The following ZNF608 variants were observed in gnomAD, a reference collection of about 807,000 sequenced individuals.
ZNF608 encodes zinc finger protein 608, also known as renal carcinoma antigen NY-REN-36.
A neutral mutation model predicts 109.0 loss-of-function variants in ZNF608; 12 were observed. The observed-to-expected ratio is 0.11, with a 90% CI of 0.07 to 0.18. ZNF608 has a LOEUF of 0.18. ZNF608 is among the 10% of genes least tolerant of loss of function. The pLI is 1.00. For missense variants in ZNF608, 1,707 were observed against 1,879.3 expected (o/e 0.91, Z 1.70); for synonymous variants, 732 against 717.4 (o/e 1.02, Z -0.33).
At chr5:124,740,396 G>C (rs895997153) in intron 2 of ZNF608, among the ~76,000 whole-genome samples, 1 of 151,950 alleles carries the variant, frequency 6.6e-6, no homozygotes, top group African/African-American at 2.4e-5. Flanking sequence ...AAAACAGTTT[G>C]CTGTCCGACA....
chr5:124,643,132 A>C (rs933007696), intron 7 of ZNF608, among the ~76,000 whole-genome samples: 1 of 152,198 alleles, frequency 6.6e-6, no homozygotes, highest in African/African-American at 2.4e-5. Context: ...GTAGCCTCTG[A>C]ACTACTTACT....
chr5:124,733,600 C>T (rs1283141626), intron 2 of ZNF608, among the ~76,000 whole-genome samples: 2 of 152,052 alleles, frequency 1.3e-5, no homozygotes, highest in Non-Finnish European at 2.9e-5. Context: ...TTAGTGAACC[C>T]CAGGACTTGA....
chr5:124,649,779 T>A, intron 3 of ZNF608, 82 bp from the exon 4 acceptor site: 3 of 894,914 alleles, frequency 3.4e-6, no homozygotes, highest in Non-Finnish European at 4.7e-6. Context: ...TTTTTTCTCT[T>A]TTTTTTGCCA....
At position 124,643,493 on chromosome 5, in the gene ZNF608, C is replaced by A. The variant is rs568821421; in HGVS notation, c.4296+18G>T. On this transcript the variant is annotated intron_variant, in intron 7 of 9. Transcript: ENST00000513986. ...CCCAAATCACAGTACTTTTAAATAA[C>A]AACAAAAGGAGGCTTACAGCAGGAG... The A allele has an allele frequency of 6.2e-7, 1 of 1,612,060 alleles. No homozygotes were observed. The highest frequency in any genetic ancestry group is 1.3e-5 in the African/African-American group (1 of 74,996).
intron 2 of ZNF608, among the ~76,000 whole-genome samples, chr5:124,711,459 G>A (rs1012967683): frequency 4.6e-5 from 7 of 152,194 alleles, no homozygotes; most frequent in African/African-American, 1.4e-4. Context: ...AGAGAGGAGA[G>A]GGTAGATGCT....
intron 9 of ZNF608, among the ~76,000 whole-genome samples, chr5:124,638,418 A>G (rs1329683482): frequency 6.6e-6 from 1 of 151,656 alleles, no homozygotes; most frequent in East Asian, 1.9e-4. Context: ...CACCACGCCC[A>G]GCTAATTTTT....
intron 2 of ZNF608, among the ~76,000 whole-genome samples, chr5:124,719,458 A>T (rs1218442504): frequency 6.6e-6 from 1 of 152,214 alleles, no homozygotes; most frequent in African/African-American, 2.4e-5. Context: ...TCATATCTGT[A>T]GAACACTATA....
At chr5:124,723,939 T>C (rs984029252) in intron 2 of ZNF608, among the ~76,000 whole-genome samples, 17 of 152,004 alleles carry the variant, frequency 1.1e-4, no homozygotes, top group African/African-American at 1.9e-4. Context: ...GGAAAATAAA[T>C]ACAATGGCTT....
chr5:124,673,472 A>G (rs1317031658), intron 3 of ZNF608, among the ~76,000 whole-genome samples: 1 of 152,312 alleles, frequency 6.6e-6, no homozygotes, highest in South Asian at 2.1e-4. Flanking sequence ...CTTTTAATTT[A>G]TTTCCTAGTA....
intron 3 of ZNF608, among the ~76,000 whole-genome samples, chr5:124,666,596 T>G (rs1031556122): frequency 6.6e-6 from 1 of 152,192 alleles, no homozygotes; most frequent in African/African-American, 2.4e-5. Flanking sequence ...TCAATTTTCT[T>G]GCCTTCATAA....
chr5:124,740,172 A>T (rs1026370257), intron 2 of ZNF608, among the ~76,000 whole-genome samples: 1 of 152,184 alleles, frequency 6.6e-6, no homozygotes, highest in African/African-American at 2.4e-5. Flanking sequence ...AAGCAAACGG[A>T]TTTCACACAC....
chr5:124,642,387 T>G (rs1432696027), intron 7 of ZNF608, among the ~76,000 whole-genome samples: 1 of 152,192 alleles, frequency 6.6e-6, no homozygotes, highest in African/African-American at 2.4e-5. Context: ...GACTTACTCT[T>G]GCAAATGAGC....
rs1221223342 is a variant in ZNF608, at chr5:124,641,277, G to T, written c.4425C>A (p.Ile1475=). The T allele has an allele frequency of 6.2e-7, 1 of 1,613,816 alleles. No homozygotes were observed. Among genetic ancestry groups the T allele is most frequent in the Non-Finnish European group, 8.5e-7 (1 of 1,180,014 alleles). ...HTHVGMGYPL[I]PGQYDPFQGL... The stretch of plus-strand genomic sequence containing the variant: ...CTTGAAAAGGGTCATATTGACCCGG[G>T]ATTAGCGGGTAACCCATGCCAACGT... The change falls in exon 8 of 10, where the codon ATC becomes ATA. Residue 1475 remains isoleucine (I), a synonymous_variant. Transcript: ENST00000513986.
At chr5:124,721,148 A>G (rs911857226) in intron 2 of ZNF608, among the ~76,000 whole-genome samples, 2 of 152,202 alleles carry the variant, frequency 1.3e-5, no homozygotes, top group African/African-American at 4.8e-5. Context: ...TGGGGAAACC[A>G]GGTGCAATAT....
At chr5:124,654,463 A>C (rs1414243410) in intron 3 of ZNF608, among the ~76,000 whole-genome samples, 1 of 152,250 alleles carries the variant, frequency 6.6e-6, no homozygotes, top group African/African-American at 2.4e-5. Flanking sequence ...AATTAGAAGC[A>C]AATGGAGACA....
intron 2 of ZNF608, among the ~76,000 whole-genome samples, chr5:124,725,095 A>AC (rs1486124122): frequency 6.6e-6 from 1 of 151,326 alleles, no homozygotes; most frequent in Non-Finnish European, 1.5e-5. Flanking sequence ...CCTCTCCTCG[A>AC]CCCCCGGGGG....
intron 4 of ZNF608, among the ~76,000 whole-genome samples, chr5:124,649,408 G>C (rs181817884): frequency 3.3e-5 from 5 of 152,320 alleles, no homozygotes; most frequent in Admixed American, 1.3e-4. Flanking sequence ...ACAAAGACAG[G>C]AGAGAAGGGG....
rs150674069 is a variant in ZNF608 at position 124,644,468 on chromosome 5, T to A, written c.3899A>T (p.His1300Leu). ...SIKEEPKEAK[H>L]PDSQSMEESK... Reference sequence around the variant, plus strand: ...CTCCTCCATTGATTGAGAATCAGGATGCTTGGCCTCTTTGGGCTCCTCTTT... The same window carrying A: ...CTCCTCCATTGATTGAGAATCAGGAAGCTTGGCCTCTTTGGGCTCCTCTTT... The change falls in exon 6 of 10, where the codon CAT becomes CTT. Residue 1300 changes from histidine to leucine, a missense_variant. By Grantham distance (99) the His-to-Leu change is moderately conservative. Transcript: ENST00000513986. 3.1e-6 allele frequency: 5 copies of A among 1,614,182 alleles called. No homozygotes were observed. The highest frequency in any genetic ancestry group is 2.2e-5 in the East Asian group (1 of 44,878).
intron 3 of ZNF608, among the ~76,000 whole-genome samples, chr5:124,695,049 G>A (rs1489224492): frequency 6.6e-6 from 1 of 152,102 alleles, no homozygotes; most frequent in African/African-American, 2.4e-5. Flanking sequence ...AAACAACCAT[G>A]CTCACCTGCC....
Sources: allele counts gnomAD v4.1 joint callset (sites outside exome capture counted in the v4.1 genomes callset), GRCh38; gene constraint gnomAD v4.1.1; transcripts MANE v1.5; gene names NCBI Gene and HGNC (gene_info 2026-07-23, HGNC 2026-07-21).